CYP2A6: variants seen among roughly 807,000 people sequenced by gnomAD.
The protein encoded by CYP2A6 is cytochrome P450 2A6.
CYP2A6 carries 27 observed loss-of-function variants against 42.3 expected under a neutral mutation model. The ratio of observed to expected loss-of-function variants is 0.64; its 90% CI spans 0.47 to 0.88. CYP2A6 has a LOEUF of 0.88. Ranked by LOEUF, CYP2A6 falls within the 40% of genes least tolerant of loss-of-function variation. The probability of loss-of-function intolerance (pLI) is 0.00; values close to 1 mark genes in which losing one functional copy is unlikely to be tolerated. For synonymous variants in CYP2A6, 238 were observed against 246.3 expected (o/e 0.97, Z 0.31); for missense variants, 628 against 646.0 (o/e 0.97, Z 0.30).
chr19:40,848,108 T>C, intron 4 of CYP2A6, 111 bp downstream of exon 4: 1 of 1,550,068 alleles, frequency 6.5e-7, no homozygotes, highest in South Asian at 1.2e-5. Flanking sequence ...GGACTGATTT[T>C]GAGGGGACAC....
rs562763156 is a variant in CYP2A6 at position 40,846,546 on chromosome 19, A to G, written c.831+329T>C. Among the ~76,000 whole-genome samples the G allele has an allele frequency of 2.4e-3, 365 of 151,100 alleles. 10 individuals carry two copies. Among genetic ancestry groups the G allele is most frequent in the Non-Finnish European group, 7.5e-4 (51 of 67,880 alleles). Reference sequence around the variant, plus strand: ...CACAGGGCCTCATTCTGTCACCCAGACTGGAGTGCAATGCCGTGATCTTGG... The same window carrying G: ...CACAGGGCCTCATTCTGTCACCCAGGCTGGAGTGCAATGCCGTGATCTTGG... On this transcript the variant is annotated intron_variant, in intron 5 of 8. Coordinates refer to ENST00000301141, the MANE Select transcript of CYP2A6 (RefSeq NM_000762.6).
At chr19:40,845,818 A>G (rs1483671970) in intron 6 of CYP2A6, 138 bp downstream of exon 6, 5 of 1,328,398 alleles carry the variant, frequency 3.8e-6, no homozygotes, top group Non-Finnish European at 5.1e-6. Context: ...GATGCCTACC[A>G]GCTGAATGTT....
At chr19:40,849,019 G>C (rs1599780216) in intron 2 of CYP2A6, among the ~76,000 whole-genome samples, 1 of 83,678 alleles carries the variant, frequency 1.2e-5, no homozygotes. Context: ...AGAAGAGAGA[G>C]AGGAGAGAGA....
rs1599777016 is a variant in CYP2A6, at chr19:40,844,764, T to G, written c.1170A>C (p.Glu390Asp). 5.0e-6 allele frequency: 8 copies of G among 1,610,722 alleles called. 1 individual carries two copies. The highest frequency in any genetic ancestry group is 5.1e-6 in the Non-Finnish European group (6 of 1,179,416). ...FRDFFLPKGT[E>D]VYPMLGSVLR... ...GCACAGAGCCCAGCATAGGGTACAC[T>G]TCGGTGCCCTGGTAGGGAGGAGGAA... is the stretch of plus-strand genomic sequence containing the variant. The change falls in exon 8 of 9, where the codon GAA (glutamate) becomes GAC (aspartate). Residue 390 changes from glutamate to aspartate, a missense_variant. Glu to Asp is a conservative substitution (Grantham distance 45). Transcript: ENST00000301141.
At position 40,850,266 on chromosome 19, in the gene CYP2A6, A is replaced by T. The variant is rs749484240; in HGVS notation, c.161T>A (p.Met54Lys). ...GNYLQLNTEQ[M>K]YNSLMKISER... The stretch of plus-strand genomic sequence containing the variant: ...GGACACCTTCATGAGGGAGTTGTAC[A>T]TCTGCTCTGTGTTCAGCTGCAGGTA... The change falls in exon 1 of 9, where the codon ATG becomes AAG. Residue 54 changes from methionine to lysine, a missense_variant. By Grantham distance (95) the Met-to-Lys change is moderately conservative (BLOSUM62 -1). Coordinates refer to ENST00000301141, the MANE Select transcript of CYP2A6 (RefSeq NM_000762.6). 2 of 1,609,598 alleles carry T rather than the reference A, an allele frequency of 1.2e-6. No homozygotes were observed. Among genetic ancestry groups the T allele is most frequent in the African/African-American group, 2.7e-5 (2 of 74,582 alleles).
In CYP2A6 at chr19:40,847,016, C is replaced by A; in HGVS notation, c.690G>T (p.Leu230=). 2 of 1,611,784 alleles carry A rather than the reference C, an allele frequency of 1.2e-6. No individual in the cohort carries two copies. Among genetic ancestry groups the A allele is most frequent in the South Asian group, 1.1e-5 (1 of 90,896 alleles). Residue 230 remains leucine, a synonymous_variant, in exon 5 of 9, where the codon CTG becomes CTT. Transcript: ENST00000301141. ...YEMFSSVMKH[L]PGPQQQAFQL... ...GAAAGGCCTGTTGCTGTGGTCCTGG[C>A]AGGTGTTTCATCACCGAAGAGAACA...
intron 2 of CYP2A6, among the ~76,000 whole-genome samples, chr19:40,849,397 G>A (rs1384131513): frequency 6.6e-6 from 1 of 151,480 alleles, no homozygotes; most frequent in Non-Finnish European, 1.5e-5. Flanking sequence ...AGATGTGGAA[G>A]TAGGAATACC....
chr19:40,848,082 A>C, intron 4 of CYP2A6, 137 bp downstream of exon 4: 13 of 1,466,804 alleles, frequency 8.9e-6, no homozygotes, highest in Non-Finnish European at 1.2e-5. Flanking sequence ...GCAACTGTCC[A>C]GTTGTCCAAT....
At position 40,845,987 on chromosome 19, in the gene CYP2A6, G is replaced by T. The variant is rs768192358; in HGVS notation, c.942C>A (p.Phe314Leu). 1 of 1,611,316 alleles carries T rather than the reference G, an allele frequency of 6.2e-7. No individual in the cohort carries two copies. Among genetic ancestry groups the T allele is most frequent in the Admixed American group, 1.7e-5 (1 of 59,960 alleles). ...CCTCTGGGTGCTTCATGAGCAGCAAGAAGCCATAGCGCAGGGTGGTGCTGA... is the reference window on the plus strand; with the variant it reads ...CCTCTGGGTGCTTCATGAGCAGCAATAAGCCATAGCGCAGGGTGGTGCTGA... Reference protein sequence around the residue: ...ETVSTTLRYGFLLLMKHPEVE... With the variant: ...ETVSTTLRYGLLLLMKHPEVE... Residue 314 changes from phenylalanine (F) to leucine (L), a missense_variant, in exon 6 of 9, where the codon TTC becomes TTA. By Grantham distance (22) the Phe-to-Leu change is conservative (BLOSUM62 0). Around this residue, in one of 2 missense-constraint regions of CYP2A6, gnomAD observed 606 missense variants for 568.1 expected, o/e 1.07. Transcript: ENST00000301141.
At chr19:40,845,557 G>T in intron 6 of CYP2A6, 76 bp from the exon 7 acceptor site, 1 of 1,581,564 alleles carries the variant, frequency 6.3e-7, no homozygotes, top group Non-Finnish European at 8.6e-7. Flanking sequence ...TAGGCAAAAT[G>T]GGGTGGATGA....
intron 3 of CYP2A6, 52 bp from the exon 4 acceptor site, chr19:40,848,431 T>C: frequency 2.5e-6 from 4 of 1,607,032 alleles, no homozygotes; most frequent in Non-Finnish European, 3.4e-6. Context: ...CTCAGAGGTC[T>C]GAGGAGAGTC....
chr19:40,844,109 A>G, intron 8 of CYP2A6, 132 bp from the exon 9 acceptor site: 2 of 1,432,550 alleles, frequency 1.4e-6, no homozygotes, highest in South Asian at 1.5e-5. Flanking sequence ...GTTTCAGAGG[A>G]GGCTCTGATC....
rs190125323 is a variant in CYP2A6, at chr19:40,845,073, G to A, written c.1161+221C>T. Reference sequence around the variant, plus strand: ...CTGTTTCTTAAGATAGGAAGTTTGGGAACATGTGTTTGATTCTCCTGACAC... The same window carrying A: ...CTGTTTCTTAAGATAGGAAGTTTGGAAACATGTGTTTGATTCTCCTGACAC... On this transcript the variant is annotated intron_variant, in intron 7 of 8. Transcript: ENST00000301141. The A allele has an allele frequency of 3.0e-3, 2,007 of 663,396 alleles. 84 individuals are homozygous for A. The highest frequency in any genetic ancestry group is 0.03 in the South Asian group (1,466 of 49,104). 41.1% of individuals were successfully genotyped at this position (663,396 alleles called of 1,614,324 possible). A position where few individuals can be genotyped will look rare whatever the true frequency, so the allele number is the denominator to read the frequency against.
intron 4 of CYP2A6, among the ~76,000 whole-genome samples, chr19:40,847,364 C>T (rs1967118634): frequency 6.6e-6 from 1 of 151,414 alleles, no homozygotes; most frequent in Non-Finnish European, 1.5e-5. Flanking sequence ...TGGAAGACAC[C>T]TGTCCAGGTG....
rs777098140 is a variant in CYP2A6, at chr19:40,849,887, C to G, written c.274G>C (p.Val92Leu). ...CGHDAVREAL[V>L]DQAEEFSGRG... ...CCGCTGAACTCCTCAGCCTGGTCCA[C>G]CAGAGCCTCCCTGACGGCATCATGT... The change falls in exon 2 of 9, where the codon GTG becomes CTG. Residue 92 changes from valine (V) to leucine (L), a missense_variant. Val to Leu is a conservative substitution (Grantham distance 32). Transcript: ENST00000301141. 3 of 1,611,672 alleles carry G rather than the reference C, an allele frequency of 1.9e-6. No homozygotes were observed. Among genetic ancestry groups the G allele is most frequent in the Non-Finnish European group, 2.5e-6 (3 of 1,179,764 alleles).
chr19:40,845,812 C>T, intron 6 of CYP2A6, 144 bp downstream of exon 6: 4 of 1,259,920 alleles, frequency 3.2e-6, no homozygotes, highest in African/African-American at 3.1e-5. Context: ...TCAGCTGATG[C>T]CTACCAGCTG....
At chr19:40,849,026 G>GAC (rs368499260) in intron 2 of CYP2A6, among the ~76,000 whole-genome samples, 2,726 of 49,440 alleles carry the variant, frequency 0.055, 185 homozygotes, top group East Asian at 0.13. Flanking sequence ...AGAGAGGAGA[G>GAC]AGAGAGAGAA....
In CYP2A6 at chr19:40,846,639, G is replaced by A. The variant is rs535108140; in HGVS notation, c.831+236C>T. Among the ~76,000 whole-genome samples, 31 of 151,368 alleles carry A rather than the reference G, an allele frequency of 2.0e-4. 2 individuals carry two copies. The highest frequency in any genetic ancestry group is 1.0e-3 in the South Asian group (5 of 4,764). On this transcript the variant is annotated intron_variant, in intron 5 of 8. Transcript: ENST00000301141. ...TAATTTTTGGATTTTTAGTAGAGAC[G>A]GGGTTTGACCATGTTGGCCAGGCTG...
At chr19:40,849,672 GC>G (rs1967184134) in intron 2 of CYP2A6, 145 bp downstream of exon 2, 1 of 1,448,280 alleles carries the variant, frequency 6.9e-7, no homozygotes, top group African/African-American at 1.4e-5. Flanking sequence ...ACATGGAGAG[GC>G]CACAATGAAG....
Sources: allele counts gnomAD v4.1 joint callset (sites outside exome capture counted in the v4.1 genomes callset), GRCh38; gene constraint gnomAD v4.1.1; regional missense constraint gnomAD v4.1.1; transcripts MANE v1.5; gene names NCBI Gene and HGNC (gene_info 2026-07-23, HGNC 2026-07-21).